The following PZP variants were observed in gnomAD, a reference collection of about 807,000 sequenced individuals.
The protein encoded by PZP is PZP alpha-2-macroglobulin like.
PZP carries 150 observed loss-of-function variants against 179.8 expected under a neutral mutation model. The observed-to-expected ratio is 0.83, with a 90% CI of 0.73 to 0.96. PZP has a LOEUF of 0.96. Ranked by LOEUF, PZP falls within the 40% of genes least tolerant of loss-of-function variation. The pLI, the probability that PZP is intolerant of heterozygous loss-of-function variation, is 0.00. For synonymous variants in PZP, 624 were observed against 652.3 expected (o/e 0.96, Z 0.66); for missense variants, 1,689 against 1,764.0 (o/e 0.96, Z 0.76).
chr12:9,180,996 A>G lies in PZP; in HGVS notation c.1826T>C (p.Leu609Pro), dbSNP rs1592512883. Residue 609 changes from leucine to proline, a missense_variant, in exon 15 of 36, where the codon CTC becomes CCC. Leu to Pro is a moderately conservative substitution (Grantham distance 98). This residue lies in a region of PZP where 742 missense variants were observed against 730.5 expected (regional missense o/e 1.02). Transcript: ENST00000261336. Reference protein sequence around the residue: ...SVLLMKPEAELSVSSVYNLLT... With the variant: ...SVLLMKPEAEPSVSSVYNLLT... ...CTGGAAACTCACTGAGGACACAGAGAGCTCAGCCTCAGGCTTCATGAGCAG... is the reference window on the plus strand; with the variant it reads ...CTGGAAACTCACTGAGGACACAGAGGGCTCAGCCTCAGGCTTCATGAGCAG... 6.2e-7 allele frequency: 1 copy of G among 1,613,614 alleles called. No individual in the cohort carries two copies. The highest frequency in any genetic ancestry group is 2.2e-5 in the East Asian group (1 of 44,826).
chr12:9,200,794 G>T, intron 6 of PZP, 98 bp downstream of exon 6: 2 of 1,290,710 alleles, frequency 1.5e-6, no homozygotes, highest in Non-Finnish European at 2.1e-6. Flanking sequence ...TGACTCTACT[G>T]CAAGTTCAAC....
At position 9,152,710 on chromosome 12, in the gene PZP, A is replaced by G. The variant is rs759017887; in HGVS notation, c.4121+114T>C. ...AAAGCCTAAATTCATTTATAGATAT[A>G]TCAATTCTAAATTATATTAATCTAA... On this transcript the variant is annotated intron_variant, in intron 31 of 35. Coordinates refer to ENST00000261336, the MANE Select transcript of PZP (RefSeq NM_002864.3). The G allele has an allele frequency of 2.6e-4, 294 of 1,111,064 alleles. 2 individuals carry two copies. In the African/African-American group the frequency reaches 4.2e-3, roughly 16 times the overall value. 68.8% of individuals were successfully genotyped at this position (1,111,064 alleles called of 1,614,324 possible). A position where few individuals can be genotyped will look rare whatever the true frequency, so the allele number is the denominator to read the frequency against.
Position 9,153,145 on chromosome 12 carries a change from C to T in PZP, c.3973G>A (p.Glu1325Lys), listed in dbSNP as rs1940489685. ...CCTACCTGAAGATACACACATCTTT[C>T]CCCAGTTACTGTTATGACATATTCT... ...PGEYVITVTG[E>K]RCVYLQTSMK... Residue 1325 changes from glutamate (E) to lysine (K), a missense_variant, in exon 30 of 36, where the codon GAA becomes AAA. Physicochemically the swap from Glu to Lys is moderately conservative, Grantham distance 56. Coordinates refer to ENST00000261336, the MANE Select transcript of PZP (RefSeq NM_002864.3). The T allele has an allele frequency of 1.2e-6, 2 of 1,614,002 alleles. No individual in the cohort carries two copies. Among genetic ancestry groups the T allele is most frequent in the Admixed American group, 3.3e-5 (2 of 60,008 alleles).
At chr12:9,191,801 A>T (rs796727434) in intron 13 of PZP, among the ~76,000 whole-genome samples, 1 of 152,172 alleles carries the variant, frequency 6.6e-6, no homozygotes, top group South Asian at 2.1e-4. Context: ...AAGAAAAAAA[A>T]ATCTATCACC....
intron 14 of PZP, 25 bp downstream of exon 14, chr12:9,181,950 T>C (rs753322356): frequency 6.2e-7 from 1 of 1,609,092 alleles, no homozygotes; most frequent in African/African-American, 1.3e-5. Context: ...TTTGTGTTCT[T>C]TTAATTTTAT....
intron 15 of PZP, among the ~76,000 whole-genome samples, chr12:9,171,107 C>G (rs1411734363): frequency 1.3e-5 from 2 of 152,194 alleles, no homozygotes; most frequent in Admixed American, 6.5e-5. Context: ...GGGCTGGCAA[C>G]AAGTTAGTAC....
In PZP at chr12:9,148,858, A is replaced by C; in HGVS notation, c.*114T>G. On this transcript the variant is annotated 3_prime_UTR_variant, in exon 36 of 36. Transcript: ENST00000261336. ...CAAGTGATAGTTTGACCAGAAGTACATATTTATTCAGCAAATATTTTTAGT... is the reference window on the plus strand; with the variant it reads ...CAAGTGATAGTTTGACCAGAAGTACCTATTTATTCAGCAAATATTTTTAGT... 1 of 882,596 alleles carries C rather than the reference A, an allele frequency of 1.1e-6. No homozygotes were observed. The highest frequency in any genetic ancestry group is 1.8e-6 in the Non-Finnish European group (1 of 551,342). The allele number at this position is 882,596 out of a possible 1,614,324, so 54.7% of individuals were successfully genotyped here. A position where few individuals can be genotyped will look rare whatever the true frequency, so the allele number is the denominator to read the frequency against.
At chr12:9,162,455 T>C in intron 22 of PZP, 142 bp downstream of exon 22, 1 of 644,228 alleles carries the variant, frequency 1.6e-6, no homozygotes, top group Non-Finnish European at 2.7e-6. Context: ...CTGTAAAACA[T>C]ACATAAAGAA....
rs778715144 is a variant in PZP at position 9,153,294 on chromosome 12, A to G, written c.3824T>C (p.Phe1275Ser). The G allele has an allele frequency of 1.9e-5, 31 of 1,614,076 alleles. No homozygotes were observed. Among genetic ancestry groups the G allele is most frequent in the Non-Finnish European group, 2.4e-5 (28 of 1,180,032 alleles). The change falls in exon 30 of 36, where the codon TTC (phenylalanine) becomes TCC (serine). Residue 1275 changes from phenylalanine (F) to serine (S), a missense_variant. Phe to Ser is a radical substitution (Grantham distance 155). This residue lies in a region of PZP where 746 missense variants were observed against 749.2 expected (regional missense o/e 1.00). Transcript: ENST00000261336. Reference sequence around the variant, plus strand: ...CTGTGCAGTTTTCTCAGTTCTGGTGAAAGTGGCTGCTCCATACCTGGACAG... The same window carrying G: ...CTGTGCAGTTTTCTCAGTTCTGGTGGAAGTGGCTGCTCCATACCTGGACAG... Reference protein sequence around the residue: ...HALSRYGAATFTRTEKTAQVT... With the variant: ...HALSRYGAATSTRTEKTAQVT...
At chr12:9,147,822 T>A (rs1227636441), downstream of PZP, among the ~76,000 whole-genome samples, 2 of 152,186 alleles carry the variant, frequency 1.3e-5, no homozygotes, top group East Asian at 3.8e-4. Context: ...GCAAAATATC[T>A]TATAGCCTTC....
In PZP at chr12:9,150,699, G is replaced by C; in HGVS notation, c.4329C>G (p.Ile1443Met). 1.9e-6 allele frequency: 3 copies of C among 1,613,204 alleles called. No individual in the cohort carries two copies. Among genetic ancestry groups the C allele is most frequent in the Non-Finnish European group, 2.5e-6 (3 of 1,179,474 alleles). The change falls in exon 34 of 36, where the codon ATC becomes ATG. Residue 1443 changes from isoleucine (I) to methionine (M), a missense_variant. Physicochemically the swap from Ile to Met is conservative, Grantham distance 10. Transcript: ENST00000261336. ...TTGCTGGCTTCAAGTCTCCTACTGG[G>C]ATGTCTTGCAGAACCATGAAGGAAA... ...LSFSFMVLQD[I>M]PVGDLKPAIV...
chr12:9,184,967 G>T (rs1472822935), intron 13 of PZP, among the ~76,000 whole-genome samples: 1 of 152,148 alleles, frequency 6.6e-6, no homozygotes, highest in South Asian at 2.1e-4. Context: ...ACATCAGCCC[G>T]CAAAGATGAG....
the PZP span, among the ~76,000 whole-genome samples, chr12:9,141,109 A>G: frequency 7.4e-4 from 112 of 152,342 alleles, no homozygotes; most frequent in Non-Finnish European, 1.4e-3. Context: ...ACAATTGACA[A>G]GAATATCTGT....
intron 15 of PZP, chr12:9,169,917 A>G (rs1941865805): frequency 5.6e-6 from 1 of 179,128 alleles, no homozygotes; most frequent in South Asian, 1.9e-4. Context: ...TAATTAATAC[A>G]TAATGCCCTG....
Position 9,194,638 on chromosome 12 carries a change from G to A in PZP, c.1093-400C>T, listed in dbSNP as rs764342356. ...CGCCACCCCGCCCAGCTAATTTTTTGTATTTTTAGTAGAGACGGGGTTTCA... is the reference window on the plus strand; with the variant it reads ...CGCCACCCCGCCCAGCTAATTTTTTATATTTTTAGTAGAGACGGGGTTTCA... On this transcript the variant is annotated intron_variant, in intron 10 of 35. Transcript: ENST00000261336. 2.0e-3 allele frequency among the ~76,000 whole-genome samples: 311 copies of A among 151,964 alleles called. 2 individuals are homozygous for A. Among genetic ancestry groups the A allele is most frequent in the African/African-American group, 7.2e-3 (298 of 41,454 alleles).
chr12:9,151,397 T>C (rs2120508904), intron 33 of PZP, among the ~76,000 whole-genome samples: 1 of 152,364 alleles, frequency 6.6e-6, no homozygotes, highest in Admixed American at 6.5e-5. Flanking sequence ...GAAATATTCA[T>C]ATTCCAATTT....
At chr12:9,193,682 A>G (rs937704463) in intron 11 of PZP, among the ~76,000 whole-genome samples, 1 of 152,152 alleles carries the variant, frequency 6.6e-6, no homozygotes, top group Admixed American at 6.5e-5. Flanking sequence ...TAGCTAGGGA[A>G]ATCTTTTGAT....
chr12:9,161,110 T>G lies in PZP; in HGVS notation c.2795A>C (p.Asn932Thr). 2 of 1,571,534 alleles carry G rather than the reference T, an allele frequency of 1.3e-6. No homozygotes were observed. The highest frequency in any genetic ancestry group is 1.7e-4 in the Middle Eastern group (1 of 5,924). ...CTTCAAGGACAACTGCTCAGACACA[T>G]TAGCACCTTTAGAAACAGACAGCCC... ...FSSMTCASGA[N>T]VSEQLSLKLP... is the part of the protein sequence containing the mutation. Residue 932 changes from asparagine to threonine, a missense_variant, in exon 23 of 36, where the codon AAT (asparagine) becomes ACT (threonine). By Grantham distance (65) the Asn-to-Thr change is moderately conservative. Transcript: ENST00000261336.
At chr12:9,176,942 T>G (rs181193038) in intron 15 of PZP, among the ~76,000 whole-genome samples, 1 of 152,334 alleles carries the variant, frequency 6.6e-6, no homozygotes, top group East Asian at 1.9e-4. Flanking sequence ...TTAAATGATA[T>G]TTAGCCTTTG....
Sources: allele counts gnomAD v4.1 joint callset (sites outside exome capture counted in the v4.1 genomes callset), GRCh38; gene constraint gnomAD v4.1.1; regional missense constraint gnomAD v4.1.1; transcripts MANE v1.5; gene names NCBI Gene and HGNC (gene_info 2026-07-23, HGNC 2026-07-21).